The following SNAPC3 variants were observed in gnomAD, a reference collection of about 807,000 sequenced individuals.
SNAPC3 encodes small nuclear RNA activating complex polypeptide 3, also known as snRNA-activating protein complex subunit 3.
SNAPC3 carries 56 observed loss-of-function variants against 47.7 expected under a neutral mutation model. That is an observed-to-expected ratio of 1.18 (90% CI 0.95 to 1.47). SNAPC3 has a LOEUF of 1.47. Among genes scored for constraint, SNAPC3 ranks in the 40% most tolerant of loss-of-function variants. SNAPC3 has a pLI of 0.00. For missense variants in SNAPC3, 665 were observed against 511.3 expected (o/e 1.30, Z -2.90); for synonymous variants, 235 against 189.9 (o/e 1.24, Z -1.95).
At chr9:15,423,706 A>C in intron 1 of SNAPC3, among the ~76,000 whole-genome samples, 1 of 152,220 alleles carries the variant, frequency 6.6e-6, no homozygotes. Context: ...TTCTCCATTT[A>C]ACAGTACTGG....
At chr9:15,447,845 C>T (rs1056735182) in intron 5 of SNAPC3, among the ~76,000 whole-genome samples, 3 of 152,152 alleles carry the variant, frequency 2.0e-5, no homozygotes, top group East Asian at 1.9e-4. Context: ...TGAAGTTGGT[C>T]CTTGCTGGTG....
chr9:15,449,695 T>G (rs1283239858), intron 5 of SNAPC3, among the ~76,000 whole-genome samples: 1 of 149,316 alleles, frequency 6.7e-6, no homozygotes, highest in Non-Finnish European at 1.5e-5. Flanking sequence ...CTCAGCCCCA[T>G]GAGTAGCTGG....
intron 1 of SNAPC3, 21 bp downstream of exon 1, chr9:15,423,214 C>T (rs780556378): frequency 1.9e-6 from 3 of 1,556,274 alleles, no homozygotes; most frequent in Non-Finnish European, 2.6e-6. Flanking sequence ...AGCAAAGGGG[C>T]TCTTGCAGCT....
At chr9:15,426,122 G>A (rs1327752835) in intron 2 of SNAPC3, among the ~76,000 whole-genome samples, 3 of 152,114 alleles carry the variant, frequency 2.0e-5, no homozygotes, top group African/African-American at 7.2e-5. Context: ...CCAAAGTGTT[G>A]GGATTACAGA....
chr9:15,444,516 C>T (rs2033766969), intron 3 of SNAPC3, 86 bp from the exon 4 acceptor site: 3 of 796,284 alleles, frequency 3.8e-6, no homozygotes, highest in South Asian at 3.2e-5. Context: ...CTGCTTGACT[C>T]GATCCCTTGC....
At chr9:15,433,822 T>C (rs1021302576) in intron 3 of SNAPC3, 186 bp downstream of exon 3, 5 of 411,890 alleles carry the variant, frequency 1.2e-5, no homozygotes, top group Non-Finnish European at 2.1e-5. Flanking sequence ...AGTGACCACA[T>C]GTTTGACTTT....
At position 15,446,950 on chromosome 9, in the gene SNAPC3, TG is replaced by T. The variant is rs2131889684; in HGVS notation, c.583-143del. The T allele has an allele frequency of 5.4e-6, 4 of 742,112 alleles. No homozygotes were observed. In the South Asian group the frequency reaches 6.8e-5, roughly 13 times the overall value. 46.0% of individuals were successfully genotyped at this position (742,112 alleles called of 1,614,324 possible). On this transcript the variant is annotated intron_variant, in intron 4 of 8. Transcript: ENST00000380821. ...ACCATGAGTTTGGCCCTATAATTAT[TG>T]GATGTGAAAATACAGAGCATCAAGT...
chr9:15,464,436 C>G (rs1257061082), downstream of SNAPC3: 1 of 198,780 alleles, frequency 5.0e-6, no homozygotes, highest in Non-Finnish European at 1.0e-5. Context: ...AGTTAACATA[C>G]CCTTAAATTT....
intron 2 of SNAPC3, among the ~76,000 whole-genome samples, chr9:15,430,847 A>G (rs1013089170): frequency 7.2e-5 from 11 of 152,210 alleles, no homozygotes; most frequent in African/African-American, 2.2e-4. Flanking sequence ...TATTAAGTGA[A>G]AAAAGCAAAG....
chr9:15,443,660 C>G (rs907075), intron 3 of SNAPC3, among the ~76,000 whole-genome samples: 106,171 of 151,976 alleles, frequency 0.7, 39,403 homozygotes, highest in Admixed American at 0.82. Flanking sequence ...CCAAGAGGGT[C>G]AAAACCAATG....
chr9:15,441,172 C>T (rs184660842), intron 3 of SNAPC3, among the ~76,000 whole-genome samples: 36 of 137,354 alleles, frequency 2.6e-4, no homozygotes, highest in Admixed American at 2.2e-3. Context: ...ACATTTAAGT[C>T]AGTTGCTGTA....
intron 7 of SNAPC3, among the ~76,000 whole-genome samples, chr9:15,457,094 CTTT>C (rs1431318406): frequency 1.3e-5 from 2 of 152,024 alleles, no homozygotes; most frequent in African/African-American, 4.8e-5. Flanking sequence ...ACTTCCATTT[CTTT>C]TTTAATAAAA....
Position 15,423,173 on chromosome 9 carries a change from T to C in SNAPC3, c.294T>C (p.Ala98=). Residue 98 remains alanine (A), a synonymous_variant, in exon 1 of 9, where the codon GCT becomes GCC. Coordinates refer to ENST00000380821, the MANE Select transcript of SNAPC3 (RefSeq NM_001039697.2). ...TGGACTGCAGCCTGGAGGCGGCGGC[T>C]GAGCTGAGGGCGGTGTGCGGGTGAG... is the stretch of plus-strand genomic sequence containing the variant. ...RDLDCSLEAA[A]ELRAVCGLDK... The C allele has an allele frequency of 6.3e-7, 1 of 1,577,684 alleles. No homozygotes were observed. The highest frequency in any genetic ancestry group is 1.1e-5 in the South Asian group (1 of 87,496).
chr9:15,442,317 C>T (rs1480306540), intron 3 of SNAPC3, among the ~76,000 whole-genome samples: 1 of 150,486 alleles, frequency 6.6e-6, no homozygotes, highest in East Asian at 2.0e-4. Context: ...CCCTCCCGGA[C>T]AGGGAGGCTG....
chr9:15,441,378 C>CTTTTTTTTTTTTTTTTT (rs1351664407), intron 3 of SNAPC3, among the ~76,000 whole-genome samples: 1 of 40,526 alleles, frequency 2.5e-5, no homozygotes, highest in African/African-American at 7.6e-5. Context: ...CAAGAGTTCC[C>CTTTTTTTTTTTTTTTTT]TTTTCTTTTT....
At chr9:15,424,070 A>C in intron 2 of SNAPC3, 84 bp downstream of exon 2, 2 of 732,194 alleles carry the variant, frequency 2.7e-6, no homozygotes, top group Non-Finnish European at 4.4e-6. Flanking sequence ...TGCAGTATTG[A>C]TTGTTGTCTG....
chr9:15,452,278 T>A (rs560822454), intron 6 of SNAPC3, among the ~76,000 whole-genome samples: 4 of 151,028 alleles, frequency 2.6e-5, no homozygotes, highest in African/African-American at 9.7e-5. Flanking sequence ...TAGCCATTTT[T>A]AATCTGTATT....
chr9:15,441,829 A>C (rs889425375), intron 3 of SNAPC3, among the ~76,000 whole-genome samples: 2 of 151,956 alleles, frequency 1.3e-5, no homozygotes, highest in Admixed American at 1.3e-4. Context: ...TGATTTCTCT[A>C]TCTTTTCCCC....
chr9:15,443,763 C>T (rs1399398589), intron 3 of SNAPC3, among the ~76,000 whole-genome samples: 1 of 152,330 alleles, frequency 6.6e-6, no homozygotes, highest in East Asian at 1.9e-4. Flanking sequence ...CCTGCCTTGG[C>T]ACCAGCCAGC....
Sources: gnomAD v4.1 joint callset for allele counts (sites outside exome capture counted in the v4.1 genomes callset) on GRCh38, gnomAD v4.1.1 for gene constraint, MANE v1.5 for transcripts, NCBI Gene and HGNC (gene_info 2026-07-23, HGNC 2026-07-21) for gene names.